Variants in CATSPERB observed in about 807,000 individuals in gnomAD.
CATSPERB encodes catsper channel auxiliary subunit beta, also known as cation channel sperm-associated auxiliary subunit beta.
Under a neutral mutation model 128.3 loss-of-function variants are expected in CATSPERB, and 93 were observed. That is an observed-to-expected ratio of 0.72 (90% CI 0.61 to 0.86). CATSPERB has a LOEUF of 0.86. Among genes scored for constraint, CATSPERB ranks in the 40% least tolerant of loss-of-function variants. CATSPERB has a pLI of 0.00. For missense variants in CATSPERB, 1,153 were observed against 1,329.5 expected (o/e 0.87, Z 2.06); for synonymous variants, 381 against 448.8 (o/e 0.85, Z 1.91).
chr14:91,699,368 T>C (rs1001050397), intron 7 of CATSPERB, among the ~76,000 whole-genome samples: 1 of 152,036 alleles, frequency 6.6e-6, no homozygotes, highest in African/African-American at 2.4e-5. Flanking sequence ...TGCCCAAAAC[T>C]ATCTATAGAT....
intron 7 of CATSPERB, among the ~76,000 whole-genome samples, chr14:91,694,119 T>TA (rs33993044): frequency 0.97 from 147,518 of 151,440 alleles, 71,947 homozygotes; most frequent in South Asian, 1. Context: ...ACATAAATAA[T>TA]AAAAAAAAAT....
chr14:91,588,622 T>C (rs1317990857), intron 24 of CATSPERB, among the ~76,000 whole-genome samples: 1 of 152,088 alleles, frequency 6.6e-6, no homozygotes, highest in Non-Finnish European at 1.5e-5. Context: ...GGTATAAAGG[T>C]ACACAGAATC....
Position 91,673,028 on chromosome 14 carries a change from A to G in CATSPERB, c.979-12T>C. ...AAACAAGAGCTTGACTATAAAAAAA[A>G]GAAGGGAAAAATTAATGCTGTTTTT... On this transcript the variant is annotated splice_polypyrimidine_tract_variant and intron_variant, in intron 12 of 26. Transcript: ENST00000256343. 1 of 1,563,508 alleles carries G rather than the reference A, an allele frequency of 6.4e-7. No homozygotes were observed. The highest frequency in any genetic ancestry group is 8.6e-7 in the Non-Finnish European group (1 of 1,165,972).
chr14:91,590,646 G>T (rs112392248), intron 23 of CATSPERB, among the ~76,000 whole-genome samples: 106,909 of 149,524 alleles, frequency 0.71, 38,311 homozygotes, highest in East Asian at 0.96. Context: ...GTCTTTTTTT[G>T]TTTGTTTGTT....
At chr14:91,694,617 C>T (rs996933225) in intron 7 of CATSPERB, among the ~76,000 whole-genome samples, 6 of 151,986 alleles carry the variant, frequency 3.9e-5, no homozygotes, top group African/African-American at 1.4e-4. Flanking sequence ...TTTTTAAAAA[C>T]TCCAAAGAAG....
At chr14:91,615,033 T>C (rs374389662) in intron 20 of CATSPERB, among the ~76,000 whole-genome samples, 5 of 152,144 alleles carry the variant, frequency 3.3e-5, no homozygotes, top group African/African-American at 9.7e-5. Context: ...ATATTCACCA[T>C]ACTGTGCAAT....
At chr14:91,602,705 C>T (rs1893625865) in intron 22 of CATSPERB, among the ~76,000 whole-genome samples, 1 of 152,082 alleles carries the variant, frequency 6.6e-6, no homozygotes, top group Non-Finnish European at 1.5e-5. Context: ...TAAAACAAAT[C>T]TGTCCAAATG....
At chr14:91,684,003 T>C in intron 10 of CATSPERB, 60 bp from the exon 11 acceptor site, 3 of 1,260,182 alleles carry the variant, frequency 2.4e-6, no homozygotes, top group Non-Finnish European at 3.3e-6. Flanking sequence ...TCTTAAGATA[T>C]AAGATAGAAA....
At chr14:91,595,973 A>G (rs1303769128) in intron 22 of CATSPERB, among the ~76,000 whole-genome samples, 1 of 152,220 alleles carries the variant, frequency 6.6e-6, no homozygotes, top group Non-Finnish European at 1.5e-5. Flanking sequence ...CTTAACTCTG[A>G]AAAACAAAAC....
chr14:91,625,023 AC>A lies in CATSPERB; in HGVS notation c.1743-17del. On this transcript the variant is annotated splice_polypyrimidine_tract_variant and intron_variant, in intron 17 of 26. Transcript: ENST00000256343. ...TCCAGTTTTCCTAAAAACAAATAAA[AC>A]CATTAAGCAATTTGGATAAAACAGT... 6.5e-7 allele frequency: 1 copy of A among 1,529,622 alleles called. No homozygotes were observed. The highest frequency in any genetic ancestry group is 8.8e-7 in the Non-Finnish European group (1 of 1,138,430). 94.8% of individuals were successfully genotyped at this position (1,529,622 alleles called of 1,614,324 possible). A position where few individuals can be genotyped will look rare whatever the true frequency, so the allele number is the denominator to read the frequency against.
At chr14:91,617,464 T>C (rs1893962231) in intron 20 of CATSPERB, 133 bp downstream of exon 20, 4 of 564,594 alleles carry the variant, frequency 7.1e-6, no homozygotes. Context: ...TATTTATCCT[T>C]GTAACCCTAT....
At chr14:91,652,670 CAAAAAAAAAAAAAAAAA>C (rs58608847) in intron 15 of CATSPERB, among the ~76,000 whole-genome samples, 13 of 69,166 alleles carry the variant, frequency 1.9e-4, no homozygotes, top group Admixed American at 4.8e-4. Context: ...GACTCTGTCT[CAAAAAAAAAAAAAAAAA>C]AAAAAAAAAA....
At chr14:91,684,662 T>C (rs1292178435) in intron 10 of CATSPERB, among the ~76,000 whole-genome samples, 1 of 150,468 alleles carries the variant, frequency 6.6e-6, no homozygotes, top group Non-Finnish European at 1.5e-5. Context: ...TTGCCCAGGC[T>C]GGAGTGCAGT....
At chr14:91,722,998 A>C in intron 4 of CATSPERB, 51 bp downstream of exon 4, 2 of 1,335,798 alleles carry the variant, frequency 1.5e-6, no homozygotes, top group Middle Eastern at 2.2e-4. Context: ...TATAAGGAAG[A>C]GTATGCTTCT....
chr14:91,604,364 C>T, intron 22 of CATSPERB: 2 of 875,184 alleles, frequency 2.3e-6, no homozygotes, highest in Non-Finnish European at 3.8e-6. Context: ...TCAGCCAGTG[C>T]CCAGACTGAA....
intron 22 of CATSPERB, among the ~76,000 whole-genome samples, chr14:91,597,863 A>C (rs925455223): frequency 6.6e-6 from 1 of 152,232 alleles, no homozygotes; most frequent in Admixed American, 6.5e-5. Context: ...TGTTACAAGC[A>C]CTTTAAAAGC....
At chr14:91,601,145 T>G (rs2139768526) in intron 22 of CATSPERB, among the ~76,000 whole-genome samples, 1 of 152,334 alleles carries the variant, frequency 6.6e-6, no homozygotes, top group South Asian at 2.1e-4. Context: ...TTTTGATACT[T>G]CCTTTAAACA....
chr14:91,683,609 G>A (rs1474229895), intron 11 of CATSPERB, among the ~76,000 whole-genome samples: 1 of 152,094 alleles, frequency 6.6e-6, no homozygotes, highest in African/African-American at 2.4e-5. Flanking sequence ...ACCTCAAGGA[G>A]GTTAGTCTAC....
At chr14:91,652,640 C>T (rs1375447678) in intron 15 of CATSPERB, among the ~76,000 whole-genome samples, 1 of 130,378 alleles carries the variant, frequency 7.7e-6, no homozygotes, top group African/African-American at 3.0e-5. Context: ...CACTGCACCC[C>T]AGTCTGAGCA....
Sources: gnomAD v4.1 joint callset for allele counts (sites outside exome capture counted in the v4.1 genomes callset) on GRCh38, gnomAD v4.1.1 for gene constraint, MANE v1.5 for transcripts, NCBI Gene and HGNC (gene_info 2026-07-23, HGNC 2026-07-21) for gene names.